Variants in PALB2 observed in about 807,000 individuals in gnomAD.
PALB2 encodes mutant partner and localizer of BRCA2.
In PALB2, 82 loss-of-function variants were observed where a neutral mutation model predicts 107.4. The observed-to-expected ratio is 0.76, with a 90% CI of 0.64 to 0.92. The LOEUF (loss-of-function observed/expected upper bound fraction) is 0.92. Ranked by LOEUF, PALB2 falls within the 40% of genes least tolerant of loss-of-function variation. The probability of loss-of-function intolerance (pLI) is 0.00; values close to 1 mark genes in which losing one functional copy is unlikely to be tolerated. For missense variants in PALB2, 1,374 were observed against 1,379.9 expected, an observed-to-expected ratio of 1.00 and a Z score of 0.07; for synonymous variants, 489 against 496.8, an observed-to-expected ratio of 0.98 and a Z score of 0.21.
intron 3 of PALB2, among the ~76,000 whole-genome samples, chr16:23,637,314 T>C (rs1002786145): frequency 6.6e-6 from 1 of 151,514 alleles, no homozygotes; most frequent in African/African-American, 2.4e-5. Context: ...TTTCTGAAAA[T>C]TGAGAGGGAA....
intron 10 of PALB2, among the ~76,000 whole-genome samples, chr16:23,615,298 T>C (rs1057436351): frequency 2.0e-5 from 3 of 151,800 alleles, no homozygotes; most frequent in Non-Finnish European, 4.4e-5. Flanking sequence ...TGCTTTGTCA[T>C]GATACTCTAT....
chr16:23,634,342 G>A (rs1406946854), intron 4 of PALB2, among the ~76,000 whole-genome samples: 4 of 152,180 alleles, frequency 2.6e-5, no homozygotes, highest in Admixed American at 6.5e-5. Flanking sequence ...GTTAGTATCT[G>A]TACAACATTT....
rs1967037000 is a variant in PALB2 at position 23,635,969 on chromosome 16, T to C, written c.577A>G (p.Thr193Ala). The change falls in exon 4 of 13, where the codon ACT becomes GCT. Residue 193 changes from threonine to alanine, a missense_variant. Thr to Ala is a moderately conservative substitution (Grantham distance 58). Transcript: ENST00000261584. ...CTTAAAAGGTGAGTTCTTATTTCAG[T>C]TACTGGTGATCTAGCAGGATTTTTG... ...SSKNPARSPVTEIRTHLLSLK... is the reference protein window; with the variant it reads ...SSKNPARSPVAEIRTHLLSLK... 2 of 1,614,188 alleles carry C rather than the reference T, an allele frequency of 1.2e-6. No individual in the cohort carries two copies. The highest frequency in any genetic ancestry group is 8.5e-7 in the Non-Finnish European group (1 of 1,180,042).
intron 6 of PALB2, among the ~76,000 whole-genome samples, chr16:23,627,613 T>A: frequency 1.4e-5 from 2 of 140,498 alleles, no homozygotes; most frequent in African/African-American, 5.3e-5. Flanking sequence ...ATAAGAACAA[T>A]AAAAAAAAGT....
chr16:23,628,766 T>C (rs950756202), intron 6 of PALB2, among the ~76,000 whole-genome samples: 1 of 152,174 alleles, frequency 6.6e-6, no homozygotes, highest in Non-Finnish European at 1.5e-5. Flanking sequence ...CCCTAGCAGC[T>C]GGGATTATAG....
chr16:23,629,852 A>C lies in PALB2; in HGVS notation c.2302T>G (p.Cys768Gly). The C allele has an allele frequency of 6.2e-7, 1 of 1,614,216 alleles. No homozygotes were observed. Among genetic ancestry groups the C allele is most frequent in the East Asian group, 2.2e-5 (1 of 44,884 alleles). ...AATTGTTTAGTATCACTGGCAAGAC[A>C]GACTGAGTCTTTCAAATGAGCAAGT... ...PQLAHLKDSV[C>G]LASDTKQFDS... The change falls in exon 5 of 13, where the codon TGT (cysteine) becomes GGT (glycine). Residue 768 changes from cysteine (C) to glycine (G), a missense_variant. Physicochemically the swap from Cys to Gly is radical, Grantham distance 159 (BLOSUM62 -3). Coordinates refer to ENST00000261584, the MANE Select transcript of PALB2 (RefSeq NM_024675.4).
chr16:23,633,542 A>G (rs1244173389), intron 4 of PALB2, among the ~76,000 whole-genome samples: 1 of 152,232 alleles, frequency 6.6e-6, no homozygotes, highest in Non-Finnish European at 1.5e-5. Flanking sequence ...TTCTCAGTAA[A>G]TGAATTGAAA....
At position 23,627,760 on chromosome 16, in the gene PALB2, C is replaced by T. The variant is rs371854275; in HGVS notation, c.2587-1363G>A. Among the ~76,000 whole-genome samples, 53 of 152,232 alleles carry T rather than the reference C, an allele frequency of 3.5e-4. No individual in the cohort carries two copies. The South Asian group carries it at 6.8e-3, about 20-fold the overall frequency. Reference sequence around the variant, plus strand: ...CAAAAACTAGTTTGTTTGGAAGACCCACGTAATGGCCAACTCTCGAGTCTA... The same window carrying T: ...CAAAAACTAGTTTGTTTGGAAGACCTACGTAATGGCCAACTCTCGAGTCTA... On this transcript the variant is annotated intron_variant, in intron 6 of 12. Coordinates refer to ENST00000261584, the MANE Select transcript of PALB2 (RefSeq NM_024675.4).
In PALB2 at chr16:23,603,468, GT is replaced by G. The variant is rs1597061743; in HGVS notation, c.3551del (p.His1184ProfsTer7). 1 of 1,611,754 alleles carries G rather than the reference GT, an allele frequency of 6.2e-7. No individual in the cohort carries two copies. Among genetic ancestry groups the G allele is most frequent in the South Asian group, 1.1e-5 (1 of 91,038 alleles). On this transcript the variant is annotated frameshift_variant, in exon 13 of 13. Coordinates refer to ENST00000261584, the MANE Select transcript of PALB2 (RefSeq NM_024675.4). LOFTEE classifies it high-confidence loss of function. ...TTCACTTTACCCTAACTTATGAATA[GT>G]GGTATACAAATATATTTCCATCTTT... ...GQKDGNIFVY[H>X]YS
chr16:23,619,662 G>A (rs1180819605), intron 10 of PALB2, among the ~76,000 whole-genome samples: 2 of 152,040 alleles, frequency 1.3e-5, no homozygotes, highest in African/African-American at 4.8e-5. Context: ...GACAAACACT[G>A]ATGTTTTTTC....
At position 23,636,349 on chromosome 16, in the gene PALB2, A is replaced by G. The variant is rs1967062955; in HGVS notation, c.212-15T>C. ...ATTTTTAGGTTCTGAGGAGGAAAAA[A>G]ATGTATATAACTTATATTTTTCTTA... On this transcript the variant is annotated splice_polypyrimidine_tract_variant and intron_variant, in intron 3 of 12. Coordinates refer to ENST00000261584, the MANE Select transcript of PALB2 (RefSeq NM_024675.4). The G allele has an allele frequency of 6.6e-7, 1 of 1,524,660 alleles. No individual in the cohort carries two copies. The highest frequency in any genetic ancestry group is 1.9e-5 in the Admixed American group (1 of 53,498). 94.4% of individuals were successfully genotyped at this position (1,524,660 alleles called of 1,614,324 possible).
intron 4 of PALB2, among the ~76,000 whole-genome samples, chr16:23,631,628 C>T (rs75284164): frequency 0.033 from 5,054 of 152,234 alleles, 118 homozygotes; most frequent in Middle Eastern, 0.088. Context: ...CTCAACTCAA[C>T]CACTGATTTG....
chr16:23,631,109 CAAAAAAAA>C (rs58841030), intron 4 of PALB2, among the ~76,000 whole-genome samples: 2 of 58,466 alleles, frequency 3.4e-5, no homozygotes, highest in Non-Finnish European at 7.3e-5. Flanking sequence ...ACTAAAAATA[CAAAAAAAA>C]AAAAAAAAAA....
intron 4 of PALB2, among the ~76,000 whole-genome samples, chr16:23,633,753 G>T (rs1447035432): frequency 6.6e-6 from 1 of 151,986 alleles, no homozygotes; most frequent in Non-Finnish European, 1.5e-5. Context: ...ACCCAGACTG[G>T]AGTGCAGTGG....
intron 1 of PALB2, among the ~76,000 whole-genome samples, chr16:23,639,084 T>C (rs560414536): frequency 6.6e-6 from 1 of 152,312 alleles, no homozygotes; most frequent in East Asian, 1.9e-4. Flanking sequence ...CTAGATTCCC[T>C]CGTCTCTCTG....
At chr16:23,637,531 C>T (rs1412388677) in intron 3 of PALB2, among the ~76,000 whole-genome samples, 1 of 151,970 alleles carries the variant, frequency 6.6e-6, no homozygotes, top group African/African-American at 2.4e-5. Flanking sequence ...GGCGAAACCC[C>T]ATCTCTACTA....
chr16:23,612,143 T>G (rs899741599), intron 11 of PALB2, among the ~76,000 whole-genome samples: 1 of 152,236 alleles, frequency 6.6e-6, no homozygotes, highest in Admixed American at 6.5e-5. Flanking sequence ...GCTTCAACAG[T>G]GAATACTCAA....
intron 11 of PALB2, among the ~76,000 whole-genome samples, chr16:23,609,743 C>T (rs1966550343): frequency 6.6e-6 from 1 of 152,188 alleles, no homozygotes; most frequent in South Asian, 2.1e-4. Context: ...GTCTCGATCT[C>T]CTGACCTCAT....
At chr16:23,625,930 G>A (rs703776) in intron 7 of PALB2, among the ~76,000 whole-genome samples, 1 of 151,884 alleles carries the variant, frequency 6.6e-6, no homozygotes, top group African/African-American at 2.4e-5. Context: ...GCAGTGAGCC[G>A]TGATCATGCC....
Sources: gnomAD v4.1 joint callset for allele counts (sites outside exome capture counted in the v4.1 genomes callset) on GRCh38, gnomAD v4.1.1 for gene constraint, MANE v1.5 for transcripts, NCBI Gene and HGNC (gene_info 2026-07-23, HGNC 2026-07-21) for gene names.